Variants in ABTB1 observed in about 807,000 individuals in gnomAD.
The protein encoded by ABTB1 is ankyrin repeat and BTB/POZ domain-containing protein 1.
Under a neutral mutation model 57.1 loss-of-function variants are expected in ABTB1, and 45 were observed. That is an observed-to-expected ratio of 0.79 (90% CI 0.62 to 1.01). The LOEUF is 1.01. ABTB1 is among the 50% of genes least tolerant of loss of function. ABTB1 has a pLI of 0.00. For synonymous variants in ABTB1, 302 were observed against 275.4 expected, an observed-to-expected ratio of 1.10 and a Z score of -0.95; for missense variants, 630 against 666.3, an observed-to-expected ratio of 0.95 and a Z score of 0.60.
At chr3:127,675,504 C>T (rs2074959905) in intron 3 of ABTB1, 1 of 170,792 alleles carries the variant, frequency 5.9e-6, no homozygotes, top group African/African-American at 2.4e-5. Flanking sequence ...GTCTCAAACT[C>T]CTGAGCCCAA....
rs779737965 is a variant in ABTB1 at position 127,673,029 on chromosome 3, G to A, written c.4G>A (p.Asp2Asn). 5 of 1,570,450 alleles carry A rather than the reference G, an allele frequency of 3.2e-6. No individual in the cohort carries two copies. The Admixed American group carries it at 5.4e-5, about 17-fold the overall frequency. M[D>N]TSDLFASCRK... ...CTCGGGTACCATCCTCCGCGCCATG[G>A]ACACCAGCGACCTGTTCGCCAGCTG... The change falls in exon 1 of 12, where the codon GAC (aspartate) becomes AAC (asparagine). Residue 2 changes from aspartate to asparagine, a missense_variant. Transcript: ENST00000232744.
Position 127,675,316 on chromosome 3 carries a change from G to GGAGTGTA in ABTB1, c.176-652_176-646dup, listed in dbSNP as rs1439964215. Among the ~76,000 whole-genome samples, 5 of 140,640 alleles carry GGAGTGTA rather than the reference G, an allele frequency of 3.6e-5. No homozygotes were observed. The Admixed American group carries it at 3.7e-4, about 10-fold the overall frequency. 92.3% of individuals were successfully genotyped at this position (140,640 alleles called of 152,430 possible). ...AGAGTCTTGCTCTGTCACCCAGGCT[G>GGAGTGTA]GAGTGTAGTAGTGTGATCTCGGTTC... On this transcript the variant is annotated intron_variant, in intron 3 of 11. Coordinates refer to ENST00000232744, the MANE Select transcript of ABTB1 (RefSeq NM_172027.3).
At chr3:127,674,308 T>C (rs1249287141) in intron 1 of ABTB1, 83 bp from the exon 2 acceptor site, 19 of 1,536,674 alleles carry the variant, frequency 1.2e-5, no homozygotes, top group Admixed American at 2.0e-5. Flanking sequence ...AAAGGGATGT[T>C]TTCTCTCCGT....
Position 127,677,719 on chromosome 3 carries a change from A to C in ABTB1, c.905A>C (p.Asp302Ala). 2 of 1,609,928 alleles carry C rather than the reference A, an allele frequency of 1.2e-6. No homozygotes were observed. The highest frequency in any genetic ancestry group is 2.2e-5 in the South Asian group (2 of 90,648). Reference protein sequence around the residue: ...GRSDYFRALLDDHFRESEEPA... With the variant: ...GRSDYFRALLADHFRESEEPA... ...AGTGACTACTTCCGAGCCCTGCTGG[A>C]TGACCACTTCCGAGAGAGCGAGGAG... Residue 302 changes from aspartate to alanine, a missense_variant, in exon 10 of 12, where the codon GAT becomes GCT. Asp to Ala is a moderately radical substitution (Grantham distance 126). Coordinates refer to ENST00000232744, the MANE Select transcript of ABTB1 (RefSeq NM_172027.3).
Position 127,673,003 on chromosome 3 carries a change from G to GCTCGGGTACCA in ABTB1, c.-22_-12dup. ...CGGCTTCGCCGCCCGAGGTCGTTCG[G>GCTCGGGTACCA]CTCGGGTACCATCCTCCGCGCCATG... is the stretch of plus-strand genomic sequence containing the variant. On this transcript the variant is annotated 5_prime_UTR_variant, in exon 1 of 12. Coordinates refer to ENST00000232744, the MANE Select transcript of ABTB1 (RefSeq NM_172027.3). The GCTCGGGTACCA allele has an allele frequency of 6.4e-7, 1 of 1,551,530 alleles. No homozygotes were observed. The highest frequency in any genetic ancestry group is 8.7e-7 in the Non-Finnish European group (1 of 1,148,096).
chr3:127,674,270 C>T, intron 1 of ABTB1, 121 bp from the exon 2 acceptor site: 2 of 1,343,004 alleles, frequency 1.5e-6, no homozygotes, highest in Non-Finnish European at 2.1e-6. Context: ...GTCACCTGCC[C>T]TCACCTGGGG....
chr3:127,675,706 C>G (rs987849787), intron 3 of ABTB1: 21 of 541,404 alleles, frequency 3.9e-5, no homozygotes, highest in Non-Finnish European at 7.0e-5. Flanking sequence ...GTGGGACAAG[C>G]CCAGCCACCA....
rs776281302 is a variant in ABTB1 at position 127,676,069 on chromosome 3, C to T, written c.275C>T (p.Thr92Met). 37 of 1,613,250 alleles carry T rather than the reference C, an allele frequency of 2.3e-5. No individual in the cohort carries two copies. The East Asian group carries it at 3.8e-4, about 17-fold the overall frequency. Reference sequence around the variant, plus strand: ...GCTCTACGCGATTACAAGCAGGTCACGGCTTCCTGCAGGAGGCGGGATTAC... The same window carrying T: ...GCTCTACGCGATTACAAGCAGGTCATGGCTTCCTGCAGGAGGCGGGATTAC... ...RRALRDYKQV[T>M]ASCRRRDYYD... is the part of the protein sequence containing the mutation. Residue 92 changes from threonine to methionine, a missense_variant, in exon 4 of 12, where the codon ACG becomes ATG. By Grantham distance (81) the Thr-to-Met change is moderately conservative. Coordinates refer to ENST00000232744, the MANE Select transcript of ABTB1 (RefSeq NM_172027.3). This position sits in a 1 kb window ranked among gnomAD's most constrained non-coding sequence, Gnocchi z 5.4.
Position 127,676,547 on chromosome 3 carries a change from G to C in ABTB1, c.492G>C (p.Val164=). The change falls in exon 6 of 12, where the codon GTG becomes GTC. Residue 164 remains valine, a synonymous_variant. Transcript: ENST00000232744. The surrounding 1 kb of genome is among the most constrained non-coding windows in gnomAD (Gnocchi z 5.4). ...TTTTCTGCCCACAGATCAACCCCGT[G>C]GCCTTTGGGGCCCTGCTGCAGTACC... ...VVLRHPLINP[V]AFGALLQYLY... The C allele has an allele frequency of 6.2e-7, 1 of 1,614,102 alleles. No homozygotes were observed. Among genetic ancestry groups the C allele is most frequent in the Non-Finnish European group, 8.5e-7 (1 of 1,180,008 alleles).
chr3:127,676,404 G>T lies in ABTB1; in HGVS notation c.453G>T (p.Lys151Asn). 6.2e-7 allele frequency: 1 copy of T among 1,614,148 alleles called. No individual in the cohort carries two copies. Among genetic ancestry groups the T allele is most frequent in the Non-Finnish European group, 8.5e-7 (1 of 1,179,974 alleles). ...TGCTGGACACCAAATGGAAGGGCAA[G>T]AGTGTCGTGGTTCTCAGGCACCCAC... ...ANMLDTKWKG[K>N]SVVVLRHPLI... Residue 151 changes from lysine (K) to asparagine (N), a missense_variant, in exon 5 of 12, where the codon AAG (lysine) becomes AAT (asparagine). Coordinates refer to ENST00000232744, the MANE Select transcript of ABTB1 (RefSeq NM_172027.3). The surrounding 1 kb of genome is among the most constrained non-coding windows in gnomAD (Gnocchi z 5.4).
chr3:127,674,912 A>G (rs2074942821), intron 3 of ABTB1, among the ~76,000 whole-genome samples: 1 of 152,170 alleles, frequency 6.6e-6, no homozygotes, highest in Non-Finnish European at 1.5e-5. Flanking sequence ...TCGGCTAAAA[A>G]TCCTCCAGCA....
intron 2 of ABTB1, 25 bp downstream of exon 2, chr3:127,674,478 G>A (rs748316565): frequency 3.2e-6 from 5 of 1,568,388 alleles, no homozygotes; most frequent in Non-Finnish European, 4.4e-6. Flanking sequence ...GAGGGGTGGG[G>A]AGGGTGGGGG....
rs140857313 is a variant in ABTB1 at position 127,676,875 on chromosome 3, C to T, written c.527-92C>T. The T allele has an allele frequency of 1.6e-6, 2 of 1,278,580 alleles. No homozygotes were observed. The highest frequency in any genetic ancestry group is 2.4e-5 in the East Asian group (1 of 41,982). 79.2% of individuals were successfully genotyped at this position (1,278,580 alleles called of 1,614,324 possible). A position where few individuals can be genotyped will look rare whatever the true frequency, so the allele number is the denominator to read the frequency against. ...GGGCCCAGGAGTCCTAGTCCTGCAG[C>T]CAGGTGGCCAGGTGGGAGGGGATCA... On this transcript the variant is annotated intron_variant, in intron 6 of 11. Coordinates refer to ENST00000232744, the MANE Select transcript of ABTB1 (RefSeq NM_172027.3). The surrounding 1 kb of genome is among the most constrained non-coding windows in gnomAD (Gnocchi z 5.4).
chr3:127,677,382 GACCAGTT>G (rs757689655), intron 8 of ABTB1, 76 bp from the exon 9 acceptor site: 318 of 1,572,818 alleles, frequency 2.0e-4, no homozygotes, highest in Non-Finnish European at 2.7e-4. Context: ...TGTGGTCCTG[GACCAGTT>G]ACTTCCCTTT....
In ABTB1 at chr3:127,674,903, C is replaced by T. The variant is rs148133421; in HGVS notation, c.175+303C>T. On this transcript the variant is annotated intron_variant, in intron 3 of 11. Transcript: ENST00000232744. ...TTGATCTTTTCACAATGAATCTGATCGGCTAAAAATCCTCCAGCAAGTTCC... is the reference window on the plus strand; with the variant it reads ...TTGATCTTTTCACAATGAATCTGATTGGCTAAAAATCCTCCAGCAAGTTCC... 2.4e-4 allele frequency among the ~76,000 whole-genome samples: 36 copies of T among 152,328 alleles called. No homozygotes were observed. In the South Asian group the frequency reaches 6.2e-3, roughly 26 times the overall value.
chr3:127,676,780 GCTGAGGCCCTCCCATCTGTTCC>G lies in ABTB1; in HGVS notation c.527-183_527-162del. The G allele has an allele frequency of 1.2e-6, 1 of 830,336 alleles. No individual in the cohort carries two copies. Among genetic ancestry groups the G allele is most frequent in the Non-Finnish European group, 1.9e-6 (1 of 536,338 alleles). The allele number at this position is 830,336 out of a possible 1,614,324, so 51.4% of individuals were successfully genotyped here. ...CAGGAAGAGCTTGTCCCACCCACAT[GCTGAGGCCCTCCCATCTGTTCC>G]CTGGGGCCTGTAGAACAGCTTTTGA... On this transcript the variant is annotated intron_variant, in intron 6 of 11. Transcript: ENST00000232744. The surrounding 1 kb of genome is among the most constrained non-coding windows in gnomAD (Gnocchi z 5.4).
intron 3 of ABTB1, 32 bp downstream of exon 3, chr3:127,674,632 C>CGTGGGTGCATGCATGTGTGCGT (rs771511963): frequency 6.8e-6 from 11 of 1,613,446 alleles, no homozygotes; most frequent in Admixed American, 3.3e-5. Flanking sequence ...CACGGGTGTG[C>CGTGGGTGCATGCATGTGTGCGT]GTGGGTGCAT....
Position 127,672,984 on chromosome 3 carries a change from C to A in ABTB1, c.-42C>A, listed in dbSNP as rs200194975. The A allele has an allele frequency of 6.6e-7, 1 of 1,525,554 alleles. No individual in the cohort carries two copies. 94.5% of individuals were successfully genotyped at this position (1,525,554 alleles called of 1,614,324 possible). A position where few individuals can be genotyped will look rare whatever the true frequency, so the allele number is the denominator to read the frequency against. On this transcript the variant is annotated 5_prime_UTR_variant, in exon 1 of 12. Coordinates refer to ENST00000232744, the MANE Select transcript of ABTB1 (RefSeq NM_172027.3). ...TTTACATCCGCCGGGTGCGCGGCTT[C>A]GCCGCCCGAGGTCGTTCGGCTCGGG...
chr3:127,680,003 T>C lies in ABTB1; in HGVS notation c.1048T>C (p.Tyr350His), dbSNP rs1258969237. ...DHTELSPEAA[Y>H]DVLSVADMYL... ...ACTGCAGCTGTCCCCCGAGGCAGCC[T>C]ATGATGTGCTGAGCGTCGCCGACAT... Residue 350 changes from tyrosine (Y) to histidine (H), a missense_variant, in exon 11 of 12, where the codon TAT (tyrosine) becomes CAT (histidine). Coordinates refer to ENST00000232744, the MANE Select transcript of ABTB1 (RefSeq NM_172027.3). 8.1e-6 allele frequency: 13 copies of C among 1,613,448 alleles called. No individual in the cohort carries two copies. Among genetic ancestry groups the C allele is most frequent in the Non-Finnish European group, 1.0e-5 (12 of 1,180,010 alleles).
Sources: gnomAD v4.1 joint callset for allele counts (sites outside exome capture counted in the v4.1 genomes callset) on GRCh38, gnomAD v4.1.1 for gene constraint, Gnocchi (gnomAD v3.1) non-coding constraint, MANE v1.5 for transcripts, NCBI Gene and HGNC (gene_info 2026-07-23, HGNC 2026-07-21) for gene names.